The following CCDC171 variants were observed in gnomAD, a reference collection of about 807,000 sequenced individuals.
The protein encoded by CCDC171 is coiled-coil domain-containing protein 171.
Under a neutral mutation model 168.2 loss-of-function variants are expected in CCDC171, and 177 were observed. The observed-to-expected ratio is 1.05, with a 90% CI of 0.93 to 1.19. The LOEUF is 1.19. Ranked by LOEUF, CCDC171 falls within the 50% of genes most tolerant of loss-of-function variation. The pLI is 0.00. For synonymous variants in CCDC171, 687 were observed against 540.8 expected (o/e 1.27, Z -3.75); for missense variants, 1,991 against 1,539.0 (o/e 1.29, Z -4.91).
At chr9:15,825,635 C>T (rs2059980113) in intron 21 of CCDC171, among the ~76,000 whole-genome samples, 2 of 152,066 alleles carry the variant, frequency 1.3e-5, no homozygotes, top group African/African-American at 4.8e-5. Flanking sequence ...CATTACCCTC[C>T]CTATTTCCAA....
intron 7 of CCDC171, among the ~76,000 whole-genome samples, chr9:15,632,133 C>G (rs918635016): frequency 6.6e-6 from 1 of 151,416 alleles, no homozygotes; most frequent in Admixed American, 6.6e-5. Context: ...CCCTCTCTCA[C>G]CACTCCTATT....
At chr9:15,570,871 G>A (rs1483765870) in intron 2 of CCDC171, among the ~76,000 whole-genome samples, 2 of 152,164 alleles carry the variant, frequency 1.3e-5, no homozygotes, top group East Asian at 1.9e-4. Flanking sequence ...TCCAGAGACC[G>A]TCTGTTTTAT....
chr9:16,042,644 G>T (rs2133058188), upstream of CCDC171, among the ~76,000 whole-genome samples: 1 of 152,284 alleles, frequency 6.6e-6, no homozygotes, highest in South Asian at 2.1e-4. Context: ...TTGAATGAGT[G>T]CCATCAAGAA....
chr9:16,099,035 AT>A, the CCDC171 span, among the ~76,000 whole-genome samples: 1 of 152,162 alleles, frequency 6.6e-6, no homozygotes, highest in South Asian at 2.1e-4. Flanking sequence ...ATTTTTAATA[AT>A]TTTTCTTAAA....
intron 3 of CCDC171, among the ~76,000 whole-genome samples, chr9:15,577,951 C>G (rs955923964): frequency 1.5e-4 from 23 of 152,226 alleles, no homozygotes; most frequent in South Asian, 4.1e-4. Context: ...TATTGAGAAG[C>G]CAGTTGTCTC....
chr9:15,803,161 C>A, intron 21 of CCDC171, among the ~76,000 whole-genome samples: 1 of 152,172 alleles, frequency 6.6e-6, no homozygotes, highest in East Asian at 1.9e-4. Context: ...GGATATTAGA[C>A]CTTTGTCAGA....
intron 6 of CCDC171, among the ~76,000 whole-genome samples, chr9:15,617,389 T>G (rs1342730957): frequency 6.6e-6 from 1 of 151,188 alleles, no homozygotes; most frequent in Non-Finnish European, 1.5e-5. Context: ...GTTTTTTTTT[T>G]TTTTTGAGAT....
chr9:16,026,852 C>T (rs1833284153), intron 6 of CCDC171, among the ~76,000 whole-genome samples: 1 of 152,222 alleles, frequency 6.6e-6, no homozygotes, highest in African/African-American at 2.4e-5. Context: ...TAGCATAACA[C>T]AATTATGTGT....
At chr9:16,084,776 T>G in the CCDC171 span, among the ~76,000 whole-genome samples, 2 of 152,114 alleles carry the variant, frequency 1.3e-5, no homozygotes, top group Non-Finnish European at 2.9e-5. Context: ...TCTAACCCAA[T>G]TCCTTCATTT....
At chr9:15,691,216 G>T (rs1052116452) in intron 10 of CCDC171, among the ~76,000 whole-genome samples, 2 of 151,968 alleles carry the variant, frequency 1.3e-5, no homozygotes, top group East Asian at 3.9e-4. Context: ...CAGTAGGGGG[G>T]ACTGGTTAAG....
At chr9:15,786,399 A>G (rs2057956217) in intron 21 of CCDC171, among the ~76,000 whole-genome samples, 1 of 152,174 alleles carries the variant, frequency 6.6e-6, no homozygotes, top group African/African-American at 2.4e-5. Flanking sequence ...ATCTCAAATC[A>G]TATCACCTGA....
At chr9:16,071,541 C>T in the CCDC171 span, among the ~76,000 whole-genome samples, 2 of 152,186 alleles carry the variant, frequency 1.3e-5, no homozygotes. Flanking sequence ...CTTGCCTGTC[C>T]CCAGTGCCTG....
In CCDC171 at chr9:15,818,960, A is replaced by G. The variant is rs192558972; in HGVS notation, c.3268-27742A>G. Among the ~76,000 whole-genome samples, 4 of 117,714 alleles carry G rather than the reference A, an allele frequency of 3.4e-5. 2 individuals are homozygous for G. The highest frequency in any genetic ancestry group is 1.3e-4 in the African/African-American group (4 of 31,400). The allele number at this position is 117,714 out of a possible 152,430, so 77.2% of individuals were successfully genotyped here. A position where few individuals can be genotyped will look rare whatever the true frequency, so the allele number is the denominator to read the frequency against. ...GCCAGAGAGAAAGGTTGGGTTACCCACAAAGGGAAGCCCATCAGACTAACA... is the reference window on the plus strand; with the variant it reads ...GCCAGAGAGAAAGGTTGGGTTACCCGCAAAGGGAAGCCCATCAGACTAACA... On this transcript the variant is annotated intron_variant, in intron 21 of 25. Transcript: ENST00000380701.
chr9:15,560,587 C>G (rs1458765531), intron 1 of CCDC171, among the ~76,000 whole-genome samples: 1 of 152,106 alleles, frequency 6.6e-6, no homozygotes, highest in Non-Finnish European at 1.5e-5. Context: ...TCAGGTCATT[C>G]AGGGATTTCT....
chr9:15,796,186 T>C (rs956274882), intron 21 of CCDC171, among the ~76,000 whole-genome samples: 2 of 152,124 alleles, frequency 1.3e-5, no homozygotes, highest in African/African-American at 4.8e-5. Flanking sequence ...AGTTAAGACA[T>C]GAAAATATAG....
At chr9:15,987,933 A>G (rs1832047874) in intron 3 of CCDC171, among the ~76,000 whole-genome samples, 1 of 152,192 alleles carries the variant, frequency 6.6e-6, no homozygotes, top group Admixed American at 6.5e-5. Context: ...TGTACACTGA[A>G]CCATTGGGAA....
chr9:15,553,742 C>A (rs994243878), intron 1 of CCDC171: 5 of 152,194 alleles, frequency 3.3e-5, no homozygotes, highest in Admixed American at 6.5e-5. Flanking sequence ...CAGCTTCTAC[C>A]TACCCTCCAG....
chr9:15,630,573 A>G (rs1439352809), intron 7 of CCDC171, among the ~76,000 whole-genome samples: 3 of 152,192 alleles, frequency 2.0e-5, no homozygotes, highest in Non-Finnish European at 4.4e-5. Flanking sequence ...ACACAATAAT[A>G]ATGGGAGACT....
At chr9:15,908,644 T>G (rs1165850085) in intron 24 of CCDC171, among the ~76,000 whole-genome samples, 2 of 152,076 alleles carry the variant, frequency 1.3e-5, no homozygotes, top group Admixed American at 1.3e-4. Flanking sequence ...CCCTAAAAGT[T>G]AAAGTATAAA....
Sources: allele counts gnomAD v4.1 joint callset (sites outside exome capture counted in the v4.1 genomes callset), GRCh38; gene constraint gnomAD v4.1.1; transcripts MANE v1.5; gene names NCBI Gene and HGNC (gene_info 2026-07-23, HGNC 2026-07-21).